The following TPST1 variants were observed in gnomAD, a reference collection of about 807,000 sequenced individuals.
TPST1 encodes protein-tyrosine sulfotransferase 1.
In TPST1, 20 loss-of-function variants were observed where a neutral mutation model predicts 34.8. That is an observed-to-expected ratio of 0.57 (90% CI 0.40 to 0.84). The LOEUF (loss-of-function observed/expected upper bound fraction) is 0.84, where lower values mean the gene tolerates loss of function less well. Among genes scored for constraint, TPST1 ranks in the 40% least tolerant of loss-of-function variants. The pLI, the probability that TPST1 is intolerant of heterozygous loss-of-function variation, is 0.00. For synonymous variants in TPST1, 152 were observed against 159.4 expected, an observed-to-expected ratio of 0.95 and a Z score of 0.35; for missense variants, 353 against 455.5, an observed-to-expected ratio of 0.78 and a Z score of 2.05.
intron 2 of TPST1, among the ~76,000 whole-genome samples, chr7:66,265,365 C>A (rs1245825659): frequency 2.0e-5 from 3 of 152,088 alleles, no homozygotes; most frequent in African/African-American, 7.2e-5. Flanking sequence ...GCCTGCGCAA[C>A]AGCGTGAAAC....
intron 3 of TPST1, among the ~76,000 whole-genome samples, chr7:66,293,261 C>T (rs1410341233): frequency 6.6e-6 from 1 of 151,830 alleles, no homozygotes; most frequent in African/African-American, 2.4e-5. Flanking sequence ...GTAGTTTCAG[C>T]ACTTTGGAAG....
intron 2 of TPST1, among the ~76,000 whole-genome samples, chr7:66,244,489 G>A (rs935948601): frequency 1.3e-5 from 2 of 152,080 alleles, no homozygotes; most frequent in Non-Finnish European, 2.9e-5. Flanking sequence ...TTACAGTCAG[G>A]GTGGCATCTC....
chr7:66,344,108 CAG>C (rs1792294158), intron 3 of TPST1, among the ~76,000 whole-genome samples: 1 of 152,094 alleles, frequency 6.6e-6, no homozygotes, highest in African/African-American at 2.4e-5. Flanking sequence ...GAATAAATGA[CAG>C]AACATGGCGG....
intron 2 of TPST1, among the ~76,000 whole-genome samples, chr7:66,273,605 G>A (rs1334813180): frequency 6.6e-6 from 1 of 152,002 alleles, no homozygotes; most frequent in Non-Finnish European, 1.5e-5. Flanking sequence ...TGAATAGAGC[G>A]CCCCCAGAAA....
chr7:66,330,584 A>G (rs550386282), intron 3 of TPST1, among the ~76,000 whole-genome samples: 1 of 152,288 alleles, frequency 6.6e-6, no homozygotes, highest in African/African-American at 2.4e-5. Context: ...TTGGGTTGCT[A>G]AACTTTCCAC....
At chr7:66,228,077 G>GT (rs1260272207) in intron 1 of TPST1, among the ~76,000 whole-genome samples, 1 of 152,120 alleles carries the variant, frequency 6.6e-6, no homozygotes, top group Admixed American at 6.5e-5. Flanking sequence ...TCCAGGTTTA[G>GT]TTTTTGTATG....
chr7:66,299,397 A>T (rs1584219193), intron 3 of TPST1, among the ~76,000 whole-genome samples: 1 of 125,722 alleles, frequency 8.0e-6, no homozygotes. Context: ...GTCGTTTTGT[A>T]TTTTTTTTAA....
chr7:66,351,630 A>G (rs1206806220), intron 3 of TPST1, among the ~76,000 whole-genome samples: 1 of 151,520 alleles, frequency 6.6e-6, no homozygotes. Flanking sequence ...GTGTATTTCC[A>G]TATAACTTTT....
At chr7:66,342,806 C>T (rs149235968) in intron 3 of TPST1, among the ~76,000 whole-genome samples, 149 of 152,284 alleles carry the variant, frequency 9.8e-4, no homozygotes, top group Admixed American at 1.9e-3. Flanking sequence ...AACTCACTCA[C>T]AAGTGCAGGG....
upstream of TPST1, among the ~76,000 whole-genome samples, chr7:66,201,107 A>T (rs1463951306): frequency 6.6e-6 from 1 of 152,182 alleles, no homozygotes; most frequent in Non-Finnish European, 1.5e-5. Flanking sequence ...AGAAACGCAG[A>T]AAGAGTGTTC....
At chr7:66,324,824 A>AC (rs1791830248) in intron 3 of TPST1, among the ~76,000 whole-genome samples, 1 of 110,826 alleles carries the variant, frequency 9.0e-6, no homozygotes, top group African/African-American at 3.5e-5. Context: ...AAAAAAAAAA[A>AC]AAAAAACAAG....
chr7:66,264,631 A>G (rs1366834831), intron 2 of TPST1, among the ~76,000 whole-genome samples: 6 of 152,234 alleles, frequency 3.9e-5, no homozygotes, highest in South Asian at 2.1e-4. Context: ...ATTAGTTTTG[A>G]TAAGTCTTGA....
chr7:66,331,315 A>G, intron 3 of TPST1, among the ~76,000 whole-genome samples: 1 of 152,244 alleles, frequency 6.6e-6, no homozygotes, highest in South Asian at 2.1e-4. Context: ...GCCAGTCACT[A>G]GATCTGTCCC....
intron 3 of TPST1, among the ~76,000 whole-genome samples, chr7:66,305,797 C>A (rs1486632938): frequency 6.6e-6 from 1 of 152,158 alleles, no homozygotes; most frequent in South Asian, 2.1e-4. Flanking sequence ...GAATATAGGG[C>A]TATTTCGATT....
chr7:66,213,527 G>A (rs982848259), intron 1 of TPST1, among the ~76,000 whole-genome samples: 7 of 152,062 alleles, frequency 4.6e-5, no homozygotes, highest in African/African-American at 1.7e-4. Context: ...AGGCCGAGGC[G>A]GGCAGATCAC....
At chr7:66,352,216 T>C (rs1350331341) in intron 3 of TPST1, among the ~76,000 whole-genome samples, 1 of 152,186 alleles carries the variant, frequency 6.6e-6, no homozygotes, top group African/African-American at 2.4e-5. Flanking sequence ...GCTAAAGTGA[T>C]TGGGATTTGG....
intron 2 of TPST1, among the ~76,000 whole-genome samples, chr7:66,259,733 AC>A (rs1259894918): frequency 6.6e-6 from 1 of 152,168 alleles, no homozygotes; most frequent in African/African-American, 2.4e-5. Context: ...TATATTTATT[AC>A]AATCGATGAA....
intron 2 of TPST1, among the ~76,000 whole-genome samples, chr7:66,249,523 A>C (rs1790220076): frequency 1.3e-5 from 2 of 152,196 alleles, no homozygotes; most frequent in African/African-American, 4.8e-5. Flanking sequence ...CATCACAATC[A>C]CATACAGAAC....
intron 2 of TPST1, among the ~76,000 whole-genome samples, chr7:66,275,415 T>G (rs1275063431): frequency 6.6e-6 from 1 of 152,154 alleles, no homozygotes; most frequent in East Asian, 1.9e-4. Flanking sequence ...GTGGTAGATA[T>G]ACCTGCACTC....
Sources: gnomAD v4.1 joint callset for allele counts (sites outside exome capture counted in the v4.1 genomes callset) on GRCh38, gnomAD v4.1.1 for gene constraint, MANE v1.5 for transcripts, NCBI Gene and HGNC (gene_info 2026-07-23, HGNC 2026-07-21) for gene names.